KLRG1: variants seen among roughly 807,000 people sequenced by gnomAD.
The protein encoded by KLRG1 is killer cell lectin-like receptor subfamily G member 1.
In KLRG1, 16 loss-of-function variants were observed where a neutral mutation model predicts 21.8. The ratio of observed to expected loss-of-function variants is 0.73; its 90% CI spans 0.50 to 1.11. KLRG1 has a LOEUF of 1.11. KLRG1 is among the 50% of genes most tolerant of loss of function. The probability of loss-of-function intolerance (pLI) is 0.00; values close to 1 mark genes in which losing one functional copy is unlikely to be tolerated. For missense variants in KLRG1, 173 were observed against 218.3 expected (o/e 0.79, Z 1.31); for synonymous variants, 69 against 75.9 (o/e 0.91, Z 0.47).
the KLRG1 span, chr12:9,109,335 T>C: frequency 8.7e-6 from 14 of 1,612,514 alleles, no homozygotes; most frequent in African/African-American, 1.9e-4. Context: ...CACACACTGA[T>C]ACATTCATCT....
chr12:9,214,123 C>A, the KLRG1 span, among the ~76,000 whole-genome samples: 8 of 151,834 alleles, frequency 5.3e-5, no homozygotes, highest in Non-Finnish European at 5.9e-5. Flanking sequence ...GCACCCTTTT[C>A]AAAAATAAAC....
chr12:9,146,449 G>A, the KLRG1 span, among the ~76,000 whole-genome samples: 1 of 151,976 alleles, frequency 6.6e-6, no homozygotes, highest in Admixed American at 6.6e-5. Flanking sequence ...GCATCTTTAT[G>A]AGAATTATTT....
At chr12:9,097,505 G>A in the KLRG1 span, among the ~76,000 whole-genome samples, 2 of 152,032 alleles carry the variant, frequency 1.3e-5, no homozygotes, top group Non-Finnish European at 2.9e-5. Flanking sequence ...TTTTCAAAGA[G>A]TTCAGTTATC....
chr12:9,165,493 T>C, the KLRG1 span: 5 of 1,056,410 alleles, frequency 4.7e-6, no homozygotes, highest in Non-Finnish European at 6.9e-6. Context: ...CGAGTGTGCA[T>C]TCGTGTGAAC....
chr12:9,134,983 G>A, the KLRG1 span: 89 of 154,622 alleles, frequency 5.8e-4, no homozygotes, highest in African/African-American at 2.0e-3. Context: ...CCTCTGCTCT[G>A]TGAGGAAGCC....
chr12:9,126,905 G>A, the KLRG1 span, among the ~76,000 whole-genome samples: 1 of 152,190 alleles, frequency 6.6e-6, no homozygotes, highest in Non-Finnish European at 1.5e-5. Flanking sequence ...AAGGGTTAGA[G>A]TAATTAATTA....
chr12:9,059,994 A>AGCTT, the KLRG1 span, among the ~76,000 whole-genome samples: 1 of 103,674 alleles, frequency 9.6e-6, no homozygotes, highest in African/African-American at 4.2e-5. Flanking sequence ...CAGCCCTGGC[A>AGCTT]TCTTTTTTTT....
At chr12:8,959,190 G>GACCC (rs1184546705) in intron 1 of KLRG1, among the ~76,000 whole-genome samples, 1 of 152,164 alleles carries the variant, frequency 6.6e-6, no homozygotes, top group Non-Finnish European at 1.5e-5. Context: ...GTTGAACAAT[G>GACCC]ACCCGCCATT....
chr12:8,978,957 C>T (rs1420329522), intron 1 of KLRG1, among the ~76,000 whole-genome samples: 1 of 151,738 alleles, frequency 6.6e-6, no homozygotes, highest in East Asian at 1.9e-4. Context: ...TCAAGTGATC[C>T]ACCTGCTTCA....
chr12:9,172,877 G>A, the KLRG1 span, among the ~76,000 whole-genome samples: 6 of 152,114 alleles, frequency 3.9e-5, no homozygotes, highest in Non-Finnish European at 7.4e-5. Context: ...CAATAATAGC[G>A]AGAGACTTTA....
chr12:9,095,738 GTGACT>G, the KLRG1 span: 1 of 491,192 alleles, frequency 2.0e-6, no homozygotes, highest in Non-Finnish European at 3.3e-6. Context: ...AAACTTATTT[GTGACT>G]TTTTTTTTTT....
intron 3 of KLRG1, among the ~76,000 whole-genome samples, chr12:9,001,585 C>T (rs1200386699): frequency 6.6e-6 from 1 of 152,220 alleles, no homozygotes; most frequent in Non-Finnish European, 1.5e-5. Context: ...CTCTGACCCC[C>T]TGGCCGTGGA....
At chr12:9,104,303 T>G in the KLRG1 span, 125 of 1,613,088 alleles carry the variant, frequency 7.7e-5, no homozygotes, top group Admixed American at 3.5e-4. Flanking sequence ...AAGGCCATGC[T>G]CATCCGTGGT....
rs1464661341 is a variant in KLRG1, at chr12:8,992,265, G to A, written c.142G>A (p.Ala48Thr). Reference protein sequence around the residue: ...LVAIALGLLTAVLLSVLLYQW... With the variant: ...LVAIALGLLTTVLLSVLLYQW... Reference sequence around the variant, plus strand: ...GGCAATAGCTTTGGGGCTTCTGACTGCAGTTCTTCTGAGTGTGCTGCTATA... The same window carrying A: ...GGCAATAGCTTTGGGGCTTCTGACTACAGTTCTTCTGAGTGTGCTGCTATA... Residue 48 changes from alanine to threonine, a missense_variant, in exon 2 of 5, where the codon GCA becomes ACA. This residue lies in a region of KLRG1 where 144 missense variants were observed against 161.5 expected (regional missense o/e 0.89). Coordinates refer to ENST00000356986, the MANE Select transcript of KLRG1 (RefSeq NM_005810.4). 1.2e-6 allele frequency: 2 copies of A among 1,613,896 alleles called. No individual in the cohort carries two copies. The highest frequency in any genetic ancestry group is 1.7e-6 in the Non-Finnish European group (2 of 1,179,884).
the KLRG1 span, among the ~76,000 whole-genome samples, chr12:9,059,996 C>CTTTCTT: frequency 2.2e-4 from 17 of 75,568 alleles, no homozygotes; most frequent in South Asian, 9.9e-4. Context: ...GCCCTGGCAT[C>CTTTCTT]TTTTTTTTTT....
chr12:9,101,450 A>T, the KLRG1 span: 6 of 1,611,240 alleles, frequency 3.7e-6, no homozygotes, highest in Non-Finnish European at 5.1e-6. Flanking sequence ...TTCTCACCAG[A>T]TAATAGAAGG....
chr12:9,166,274 G>C, the KLRG1 span: 2 of 1,504,116 alleles, frequency 1.3e-6, no homozygotes, highest in South Asian at 1.2e-5. Flanking sequence ...TGAGACGTTA[G>C]AGAACAAAAT....
the KLRG1 span, among the ~76,000 whole-genome samples, chr12:9,019,918 T>G: frequency 6.6e-6 from 1 of 152,090 alleles, no homozygotes; most frequent in Admixed American, 6.6e-5. Flanking sequence ...CAGAAAACTT[T>G]CTTGTCTCTG....
the KLRG1 span, among the ~76,000 whole-genome samples, chr12:9,075,748 A>G: frequency 6.6e-6 from 1 of 152,232 alleles, no homozygotes; most frequent in Admixed American, 6.5e-5. Flanking sequence ...CAGCAAAAAT[A>G]TAAGGAAATC....
Sources: gnomAD v4.1 joint callset for allele counts (sites outside exome capture counted in the v4.1 genomes callset) on GRCh38, gnomAD v4.1.1 for gene constraint, gnomAD v4.1.1 regional missense constraint, MANE v1.5 for transcripts, NCBI Gene and HGNC (gene_info 2026-07-23, HGNC 2026-07-21) for gene names.